AFG2A: variants seen among roughly 807,000 people sequenced by gnomAD.
The protein encoded by AFG2A is ATPase family gene 2 protein homolog A.
the AFG2A span, among the ~76,000 whole-genome samples, chr4:123,020,260 T>C: frequency 6.6e-6 from 1 of 152,068 alleles, no homozygotes; most frequent in Non-Finnish European, 1.5e-5. Context: ...GCAGTTTCAC[T>C]GTAGAAAATT....
the AFG2A span, chr4:123,057,275 G>C: frequency 6.2e-7 from 1 of 1,613,632 alleles, no homozygotes; most frequent in East Asian, 2.2e-5. Context: ...TGCCTTAGCA[G>C]TTGAAAGGGG....
chr4:123,091,173 C>A, the AFG2A span, among the ~76,000 whole-genome samples: 1 of 152,174 alleles, frequency 6.6e-6, no homozygotes, highest in Non-Finnish European at 1.5e-5. Context: ...CTGTTCCAGC[C>A]GGTCCCTCCC....
At chr4:123,056,298 CTTTTGTGTATA>C in the AFG2A span, 4 of 1,254,024 alleles carry the variant, frequency 3.2e-6, no homozygotes, top group Admixed American at 1.1e-4. Flanking sequence ...TTTATTTTCT[CTTTTGTGTATA>C]TTTTTTCTAC....
At chr4:123,254,363 T>A in the AFG2A span, among the ~76,000 whole-genome samples, 1 of 152,180 alleles carries the variant, frequency 6.6e-6, no homozygotes, top group African/African-American at 2.4e-5. Context: ...TACCATTTCT[T>A]AAGATAATTT....
the AFG2A span, among the ~76,000 whole-genome samples, chr4:123,308,009 A>C: frequency 1.3e-5 from 2 of 152,222 alleles, no homozygotes; most frequent in Non-Finnish European, 2.9e-5. Flanking sequence ...GTTGTTGAGC[A>C]ACACGTGACT....
the AFG2A span, among the ~76,000 whole-genome samples, chr4:123,236,024 T>C: frequency 6.6e-6 from 1 of 152,204 alleles, no homozygotes; most frequent in African/African-American, 2.4e-5. Flanking sequence ...GTTCTCATAA[T>C]GGGTTGATAT....
At chr4:123,109,195 T>G in the AFG2A span, among the ~76,000 whole-genome samples, 1 of 152,164 alleles carries the variant, frequency 6.6e-6, no homozygotes, top group African/African-American at 2.4e-5. Flanking sequence ...CAATTAGAAT[T>G]GAAGTTAAAC....
At chr4:123,172,326 T>C in the AFG2A span, among the ~76,000 whole-genome samples, 3,225 of 152,346 alleles carry the variant, frequency 0.021, 63 homozygotes, top group Non-Finnish European at 0.035. Context: ...AATGTAGTAG[T>C]TGAGACCATG....
At chr4:123,186,017 A>T in the AFG2A span, among the ~76,000 whole-genome samples, 1 of 152,206 alleles carries the variant, frequency 6.6e-6, no homozygotes, top group Non-Finnish European at 1.5e-5. Context: ...GGACTATATC[A>T]TGGTGTCACA....
At chr4:122,950,063 T>A in the AFG2A span, among the ~76,000 whole-genome samples, 1 of 152,234 alleles carries the variant, frequency 6.6e-6, no homozygotes, top group African/African-American at 2.4e-5. Context: ...CCTGTCTACC[T>A]GTATCCTGAT....
At chr4:123,035,460 A>G in the AFG2A span, among the ~76,000 whole-genome samples, 4 of 152,188 alleles carry the variant, frequency 2.6e-5, no homozygotes, top group Admixed American at 6.5e-5. Context: ...TAACATCAAT[A>G]TTAAACAAAG....
At chr4:122,939,039 A>ATATT in the AFG2A span, among the ~76,000 whole-genome samples, 1 of 147,520 alleles carries the variant, frequency 6.8e-6, no homozygotes, top group South Asian at 2.1e-4. Flanking sequence ...AAACTTATTC[A>ATATT]TATTACCAGA....
At chr4:123,152,076 A>G in the AFG2A span, among the ~76,000 whole-genome samples, 7 of 149,466 alleles carry the variant, frequency 4.7e-5, no homozygotes, top group South Asian at 2.2e-4. Context: ...GAGTTGAACA[A>G]TGAGAACACA....
At chr4:123,190,690 T>TG in the AFG2A span, among the ~76,000 whole-genome samples, 3 of 152,192 alleles carry the variant, frequency 2.0e-5, no homozygotes, top group South Asian at 6.2e-4. Flanking sequence ...GGTGCTACTA[T>TG]GGGGTAGGTT....
the AFG2A span, among the ~76,000 whole-genome samples, chr4:123,147,348 C>A: frequency 6.6e-6 from 1 of 151,984 alleles, no homozygotes; most frequent in Non-Finnish European, 1.5e-5. Context: ...AACAAGTGGG[C>A]AGTGGGAAAT....
chr4:123,226,092 C>T, the AFG2A span, among the ~76,000 whole-genome samples: 1 of 152,194 alleles, frequency 6.6e-6, no homozygotes, highest in Non-Finnish European at 1.5e-5. Flanking sequence ...AGTTGCTTAT[C>T]AGCTTAAGGA....
the AFG2A span, among the ~76,000 whole-genome samples, chr4:123,126,882 C>G: frequency 6.6e-6 from 1 of 152,152 alleles, no homozygotes; most frequent in South Asian, 2.1e-4. Flanking sequence ...TTTTTGATAG[C>G]CGTCAGATAA....
At chr4:123,086,862 C>T in the AFG2A span, among the ~76,000 whole-genome samples, 1 of 152,070 alleles carries the variant, frequency 6.6e-6, no homozygotes, top group Non-Finnish European at 1.5e-5. Flanking sequence ...ATTTCTGTTA[C>T]AGTGTTTTTG....
chr4:122,985,662 A>G, the AFG2A span, among the ~76,000 whole-genome samples: 1 of 148,908 alleles, frequency 6.7e-6, no homozygotes, highest in Non-Finnish European at 1.5e-5. Flanking sequence ...GGTTATTTAG[A>G]TTTTCTCTCT....
Sources: allele counts gnomAD v4.1 joint callset (sites outside exome capture counted in the v4.1 genomes callset), GRCh38; gene constraint gnomAD v4.1.1; transcripts MANE v1.5; gene names NCBI Gene and HGNC (gene_info 2026-07-23, HGNC 2026-07-21).